The following PDE4D variants were observed in gnomAD, a reference collection of about 807,000 sequenced individuals.
PDE4D encodes the protein phosphodiesterase 4D.
Under a neutral mutation model 87.4 loss-of-function variants are expected in PDE4D, and 24 were observed. That is an observed-to-expected ratio of 0.27 (90% CI 0.20 to 0.39). PDE4D has a LOEUF of 0.39. Among genes scored for constraint, PDE4D ranks in the 10% least tolerant of loss-of-function variants. PDE4D has a pLI of 1.00. For missense variants in PDE4D, 714 were observed against 1,041.0 expected (o/e 0.69, Z 4.32); for synonymous variants, 384 against 383.2 (o/e 1.00, Z -0.02).
At chr5:59,354,550 A>T (rs1047223527) in intron 1 of PDE4D, among the ~76,000 whole-genome samples, 2 of 152,154 alleles carry the variant, frequency 1.3e-5, no homozygotes, top group Non-Finnish European at 2.9e-5. Flanking sequence ...CATTTGAGGT[A>T]TTATGGTATG....
chr5:60,237,625 G>T (rs562857895), intron 1 of PDE4D, among the ~76,000 whole-genome samples: 1 of 152,000 alleles, frequency 6.6e-6, no homozygotes, highest in Non-Finnish European at 1.5e-5. Flanking sequence ...GGTGGCAAAG[G>T]AGTGTGGCTG....
upstream of PDE4D, chr5:59,893,927 C>T (rs1751356797): frequency 1.1e-5 from 7 of 659,558 alleles, no homozygotes; most frequent in Non-Finnish European, 1.5e-5. Context: ...GAGGTTGGTC[C>T]TTCTTCCTCC....
chr5:60,507,454 C>G (rs1181852694), intron 1 of PDE4D, among the ~76,000 whole-genome samples: 1 of 152,110 alleles, frequency 6.6e-6, no homozygotes, highest in Admixed American at 6.5e-5. Flanking sequence ...CTATAAATAT[C>G]TTTATACATA....
intron 1 of PDE4D, among the ~76,000 whole-genome samples, chr5:60,405,513 A>G (rs1741454808): frequency 6.6e-6 from 1 of 152,246 alleles, no homozygotes; most frequent in Non-Finnish European, 1.5e-5. Flanking sequence ...ACCATTCCAC[A>G]TAGGTGGGCA....
chr5:59,001,747 G>A (rs746337414), intron 6 of PDE4D, among the ~76,000 whole-genome samples: 13 of 152,164 alleles, frequency 8.5e-5, no homozygotes, highest in Non-Finnish European at 1.8e-4. Context: ...CGAATGCCCT[G>A]CTAGTCACGA....
intron 1 of PDE4D, among the ~76,000 whole-genome samples, chr5:59,513,364 T>C (rs1810582095): frequency 1.3e-5 from 2 of 152,160 alleles, no homozygotes; most frequent in Admixed American, 6.5e-5. Context: ...GGTTAGCACA[T>C]CATCTAGATG....
At chr5:60,466,672 C>T (rs763413701) in intron 1 of PDE4D, among the ~76,000 whole-genome samples, 1 of 152,196 alleles carries the variant, frequency 6.6e-6, no homozygotes, top group Non-Finnish European at 1.5e-5. Context: ...TCTTTATCTC[C>T]ATCACTTGGA....
intron 1 of PDE4D, among the ~76,000 whole-genome samples, chr5:59,744,309 G>A (rs1226204600): frequency 6.6e-6 from 1 of 152,106 alleles, no homozygotes; most frequent in East Asian, 1.9e-4. Context: ...GGAGTTAATT[G>A]TGACTGTAAT....
At chr5:59,980,348 A>G (rs1236184184) in intron 3 of PDE4D, among the ~76,000 whole-genome samples, 1 of 152,204 alleles carries the variant, frequency 6.6e-6, no homozygotes, top group Non-Finnish European at 1.5e-5. Flanking sequence ...TGTGCTTAAT[A>G]TAGTATTGTG....
chr5:59,413,613 G>C (rs258127), intron 1 of PDE4D, among the ~76,000 whole-genome samples: 39,592 of 151,970 alleles, frequency 0.26, 5,259 homozygotes, highest in East Asian at 0.39. Context: ...TGTAGATAAA[G>C]ATTGACAGAT....
chr5:59,513,491 G>A (rs985456231), intron 1 of PDE4D, among the ~76,000 whole-genome samples: 1 of 152,118 alleles, frequency 6.6e-6, no homozygotes, highest in African/African-American at 2.4e-5. Context: ...TGACAGAGAG[G>A]TGAGAGACTG....
chr5:59,900,733 G>A (rs1300923276), intron 3 of PDE4D, among the ~76,000 whole-genome samples: 1 of 152,098 alleles, frequency 6.6e-6, no homozygotes, highest in Non-Finnish European at 1.5e-5. Flanking sequence ...TTTTGTGGTT[G>A]ATAATTATAT....
At chr5:60,415,661 C>T (rs1433244502) in intron 1 of PDE4D, among the ~76,000 whole-genome samples, 3 of 152,208 alleles carry the variant, frequency 2.0e-5, no homozygotes, top group African/African-American at 7.2e-5. Context: ...GGGCAGGGCT[C>T]GGGACCTGCA....
intron 2 of PDE4D, among the ~76,000 whole-genome samples, chr5:60,165,831 AT>A (rs993610491): frequency 6.6e-6 from 1 of 151,198 alleles, no homozygotes; most frequent in African/African-American, 2.4e-5. Flanking sequence ...TTTTAAATCT[AT>A]TTTTCTGTCT....
chr5:60,247,082 C>T (rs1747866442), intron 1 of PDE4D, among the ~76,000 whole-genome samples: 1 of 151,970 alleles, frequency 6.6e-6, no homozygotes, highest in Admixed American at 6.6e-5. Context: ...CTTGTCTCTT[C>T]TGTTCTGATG....
intron 1 of PDE4D, among the ~76,000 whole-genome samples, chr5:59,237,782 GGTGTGTGTGTGTGT>G (rs61375269): frequency 2.0e-4 from 6 of 29,476 alleles, no homozygotes; most frequent in African/African-American, 3.3e-4. Flanking sequence ...CCCTCATATA[GGTGTGTGTGTGTGT>G]GTGTGTGTGT....
At chr5:59,185,858 T>C (rs907822125) in intron 3 of PDE4D, among the ~76,000 whole-genome samples, 1 of 152,192 alleles carries the variant, frequency 6.6e-6, no homozygotes, top group Non-Finnish European at 1.5e-5. Flanking sequence ...ACATGCACAA[T>C]GCTTGGCACA....
At chr5:60,429,925 G>A in intron 1 of PDE4D, 1 of 450,930 alleles carries the variant, frequency 2.2e-6, no homozygotes, top group Non-Finnish European at 4.4e-6. Context: ...CACACCGACT[G>A]TAGATTTTTT....
chr5:60,169,643 ACAAT>A (rs1783239964), intron 2 of PDE4D, among the ~76,000 whole-genome samples: 1 of 152,036 alleles, frequency 6.6e-6, no homozygotes, highest in African/African-American at 2.4e-5. Flanking sequence ...TTATTAATCC[ACAAT>A]CAATTAATAA....
Sources: allele counts gnomAD v4.1 joint callset (sites outside exome capture counted in the v4.1 genomes callset), GRCh38; gene constraint gnomAD v4.1.1; transcripts MANE v1.5; gene names NCBI Gene and HGNC (gene_info 2026-07-23, HGNC 2026-07-21).